ETV6: variants seen among roughly 807,000 people sequenced by gnomAD.
ETV6 encodes the protein transcription factor ETV6.
In ETV6, 16 loss-of-function variants were observed where a neutral mutation model predicts 51.1. The observed-to-expected ratio is 0.31, with a 90% CI of 0.21 to 0.48. The LOEUF is 0.48. ETV6 is among the 20% of genes least tolerant of loss of function. The pLI is 0.99. For missense variants in ETV6, 458 were observed against 594.8 expected, an observed-to-expected ratio of 0.77 and a Z score of 2.39; for synonymous variants, 240 against 224.1, an observed-to-expected ratio of 1.07 and a Z score of -0.64.
At chr12:11,779,475 AAAG>A (rs1206265726) in intron 2 of ETV6, among the ~76,000 whole-genome samples, 4 of 152,212 alleles carry the variant, frequency 2.6e-5, no homozygotes, top group Admixed American at 6.5e-5. Flanking sequence ...ATTGCTCAAA[AAAG>A]AAGTCAGACT....
At chr12:11,738,488 T>A (rs1457058596) in intron 1 of ETV6, among the ~76,000 whole-genome samples, 1 of 151,564 alleles carries the variant, frequency 6.6e-6, no homozygotes, top group Non-Finnish European at 1.5e-5. Flanking sequence ...TAATTTTTTT[T>A]AATGGAGACG....
At chr12:11,825,448 A>G (rs2136442730) in intron 2 of ETV6, among the ~76,000 whole-genome samples, 1 of 152,358 alleles carries the variant, frequency 6.6e-6, no homozygotes, top group African/African-American at 2.4e-5. Flanking sequence ...GGAAAAAACC[A>G]CAAAGCAAGC....
At chr12:11,728,453 G>A (rs760887629) in intron 1 of ETV6, among the ~76,000 whole-genome samples, 5 of 146,826 alleles carry the variant, frequency 3.4e-5, no homozygotes, top group Non-Finnish European at 6.1e-5. Context: ...GTAAGAGCAC[G>A]AACCCTGTTG....
intron 2 of ETV6, among the ~76,000 whole-genome samples, chr12:11,803,280 T>A (rs1361756288): frequency 1.3e-5 from 2 of 152,212 alleles, no homozygotes; most frequent in Non-Finnish European, 2.9e-5. Flanking sequence ...TAGGGAAGAA[T>A]GAAAGAAATT....
intron 1 of ETV6, among the ~76,000 whole-genome samples, chr12:11,667,238 C>G (rs71455400): frequency 6.6e-6 from 1 of 152,100 alleles, no homozygotes; most frequent in Non-Finnish European, 1.5e-5. Context: ...ATCATCAGGT[C>G]TTTATTAAGC....
At chr12:11,825,331 T>C (rs1261097426) in intron 2 of ETV6, among the ~76,000 whole-genome samples, 1 of 152,180 alleles carries the variant, frequency 6.6e-6, no homozygotes, top group Non-Finnish European at 1.5e-5. Flanking sequence ...AAGCAGGAAA[T>C]TTTTTAAAGA....
At chr12:11,766,618 C>T (rs1945165467) in intron 2 of ETV6, among the ~76,000 whole-genome samples, 1 of 152,210 alleles carries the variant, frequency 6.6e-6, no homozygotes, top group African/African-American at 2.4e-5. Flanking sequence ...GTTTCTTGCT[C>T]CCTTGCTTTG....
At chr12:11,820,724 G>C (rs112117235) in intron 2 of ETV6, among the ~76,000 whole-genome samples, 106 of 152,250 alleles carry the variant, frequency 7.0e-4, no homozygotes, top group African/African-American at 2.1e-3. Context: ...AGACAGGTCA[G>C]GTCATATAGG....
chr12:11,847,493 A>G (rs1267141775), intron 3 of ETV6, among the ~76,000 whole-genome samples: 2 of 152,240 alleles, frequency 1.3e-5, no homozygotes, highest in Non-Finnish European at 2.9e-5. Flanking sequence ...GAACCTTACT[A>G]CTGAAGGGCT....
At chr12:11,675,819 C>T (rs1005494567) in intron 1 of ETV6, among the ~76,000 whole-genome samples, 2 of 127,782 alleles carry the variant, frequency 1.6e-5, no homozygotes, top group African/African-American at 3.0e-5. Context: ...TGTCTCTAAA[C>T]AAAAAGGAAG....
intron 1 of ETV6, among the ~76,000 whole-genome samples, chr12:11,692,865 C>T (rs914720469): frequency 1.3e-5 from 2 of 151,854 alleles, no homozygotes; most frequent in African/African-American, 4.8e-5. Flanking sequence ...GCCTGGGCAA[C>T]ATGACGAAGC....
intron 1 of ETV6, among the ~76,000 whole-genome samples, chr12:11,723,182 A>G (rs570075391): frequency 6.6e-6 from 1 of 152,334 alleles, no homozygotes; most frequent in Non-Finnish European, 1.5e-5. Flanking sequence ...TGAGTATTAA[A>G]TGAATTAATA....
intron 2 of ETV6, among the ~76,000 whole-genome samples, chr12:11,785,860 A>G (rs772635139): frequency 2.0e-5 from 3 of 152,130 alleles, no homozygotes; most frequent in Non-Finnish European, 4.4e-5. Context: ...ACAATCCTCT[A>G]GCTTAAACTC....
At chr12:11,687,955 T>C (rs1230045100) in intron 1 of ETV6, among the ~76,000 whole-genome samples, 1 of 152,236 alleles carries the variant, frequency 6.6e-6, no homozygotes, top group Non-Finnish European at 1.5e-5. Context: ...ATCAAGTCTC[T>C]TACAGGTATT....
At chr12:11,692,295 CT>C (rs1416722905) in intron 1 of ETV6, among the ~76,000 whole-genome samples, 1 of 152,146 alleles carries the variant, frequency 6.6e-6, no homozygotes, top group African/African-American at 2.4e-5. Flanking sequence ...TGCTGAGTCC[CT>C]CCTAGCGTGA....
At chr12:11,784,862 ATTTTTTTTTTTTTTT>A (rs34004409) in intron 2 of ETV6, among the ~76,000 whole-genome samples, 2 of 85,788 alleles carry the variant, frequency 2.3e-5, no homozygotes, top group Admixed American at 1.4e-4. Context: ...TGCCTTGCTA[ATTTTTTTTTTTTTTT>A]TTTTTTTTTG....
At chr12:11,666,669 C>T (rs1864200645) in intron 1 of ETV6, among the ~76,000 whole-genome samples, 2 of 152,188 alleles carry the variant, frequency 1.3e-5, no homozygotes, top group African/African-American at 4.8e-5. Flanking sequence ...TTTCTGTTGC[C>T]ATTGAGGTAC....
chr12:11,661,945 C>T lies in ETV6; in HGVS notation c.33+11785C>T, dbSNP rs557853334. On this transcript the variant is annotated intron_variant, in intron 1 of 7. Coordinates refer to ENST00000396373, the MANE Select transcript of ETV6 (RefSeq NM_001987.5). ...CCAGGGGGAATGTTGGCGAGCACAGCAAGGCTGGGGTGATGATCCTCTAAT... is the reference window on the plus strand; with the variant it reads ...CCAGGGGGAATGTTGGCGAGCACAGTAAGGCTGGGGTGATGATCCTCTAAT... 4.6e-5 allele frequency among the ~76,000 whole-genome samples: 7 copies of T among 152,258 alleles called. No homozygotes were observed. In the South Asian group the frequency reaches 1.2e-3, roughly 27 times the overall value.
At position 11,839,283 on chromosome 12, in the gene ETV6, C is replaced by T. The variant is rs1946356870; in HGVS notation, c.307C>T (p.Arg103Cys). The T allele has an allele frequency of 4.3e-6, 7 of 1,613,882 alleles. No individual in the cohort carries two copies. The highest frequency in any genetic ancestry group is 5.1e-6 in the Non-Finnish European group (6 of 1,179,808). ...CCTGCTGCTGACCAAAGAGGACTTT[C>T]GCTATCGATCTCCTCATTCAGGTGA... ...ALLLLTKEDF[R>C]YRSPHSGDVL... Residue 103 changes from arginine (R) to cysteine (C), a missense_variant, in exon 3 of 8, where the codon CGC (arginine) becomes TGC (cysteine). Arg to Cys is a radical substitution (Grantham distance 180, BLOSUM62 -3). Around this residue, in one of 4 missense-constraint regions of ETV6, gnomAD observed 293 missense variants for 315.7 expected, o/e 0.93. Transcript: ENST00000396373.
Sources: allele counts gnomAD v4.1 joint callset (sites outside exome capture counted in the v4.1 genomes callset), GRCh38; gene constraint gnomAD v4.1.1; regional missense constraint gnomAD v4.1.1; transcripts MANE v1.5; gene names NCBI Gene and HGNC (gene_info 2026-07-23, HGNC 2026-07-21).